The following FSTL5 variants were observed in gnomAD, a reference collection of about 807,000 sequenced individuals.
The protein encoded by FSTL5 is follistatin-related protein 5.
FSTL5 carries 62 observed loss-of-function variants against 89.1 expected under a neutral mutation model. That is an observed-to-expected ratio of 0.70 (90% CI 0.57 to 0.86). The LOEUF is 0.86. Among genes scored for constraint, FSTL5 ranks in the 40% least tolerant of loss-of-function variants. The pLI, the probability that FSTL5 is intolerant of heterozygous loss-of-function variation, is 0.00. For missense variants in FSTL5, 1,057 were observed against 1,001.6 expected (o/e 1.06, Z -0.75); for synonymous variants, 383 against 346.2 (o/e 1.11, Z -1.18).
At chr4:162,118,310 G>T (rs1422165552) in intron 1 of FSTL5, among the ~76,000 whole-genome samples, 1 of 151,960 alleles carries the variant, frequency 6.6e-6, no homozygotes, top group Middle Eastern at 3.2e-3. Context: ...GCCCAGGCTG[G>T]AGTGCAGTGG....
intron 4 of FSTL5, among the ~76,000 whole-genome samples, chr4:161,840,587 T>A (rs1284973674): frequency 6.6e-6 from 1 of 152,184 alleles, no homozygotes; most frequent in Non-Finnish European, 1.5e-5. Flanking sequence ...AAGTGAGAAC[T>A]GTTTGGGCAA....
At chr4:161,415,653 C>CATATATATAT (rs200742664) in intron 15 of FSTL5, among the ~76,000 whole-genome samples, 22 of 147,808 alleles carry the variant, frequency 1.5e-4, no homozygotes, top group African/African-American at 5.0e-4. Flanking sequence ...ATAGGGGATA[C>CATATATATAT]ATATATATAT....
intron 4 of FSTL5, among the ~76,000 whole-genome samples, chr4:161,851,053 C>G (rs545982154): frequency 2.6e-5 from 4 of 152,230 alleles, no homozygotes; most frequent in African/African-American, 9.6e-5. Flanking sequence ...AACAAAGATA[C>G]AAATTTTGAG....
rs1733934704 is a variant in FSTL5 at position 161,919,548 on chromosome 4, C to T, written c.409+856G>A. On this transcript the variant is annotated intron_variant, in intron 4 of 15. Coordinates refer to ENST00000306100, the MANE Select transcript of FSTL5 (RefSeq NM_020116.5). ...TTAAGCTAGGAGTAAAAATATTAAACAGGTTTTTAAGTGTAAATACGTTTC... is the reference window on the plus strand; with the variant it reads ...TTAAGCTAGGAGTAAAAATATTAAATAGGTTTTTAAGTGTAAATACGTTTC... Among the ~76,000 whole-genome samples the T allele has an allele frequency of 2.0e-5, 3 of 152,188 alleles. No individual in the cohort carries two copies. In the South Asian group the frequency reaches 6.2e-4, roughly 32 times the overall value.
intron 4 of FSTL5, among the ~76,000 whole-genome samples, chr4:161,905,364 C>G (rs938871149): frequency 1.3e-5 from 2 of 151,958 alleles, no homozygotes; most frequent in African/African-American, 4.8e-5. Flanking sequence ...CTGTGCTTAC[C>G]TAGAGATGTC....
At chr4:162,061,343 A>G (rs973448252) in intron 2 of FSTL5, among the ~76,000 whole-genome samples, 18 of 152,046 alleles carry the variant, frequency 1.2e-4, no homozygotes, top group Non-Finnish European at 2.1e-4. Context: ...TTGAGAAGCA[A>G]CTCTCTGAGA....
At position 161,792,878 on chromosome 4, in the gene FSTL5, A is replaced by C. The variant is rs1579096865; in HGVS notation, c.410-16804T>G. ...GAGGGACTTAAAAGAGCTGTAACAC[A>C]AACAGGGCTGAAACATCCCCTCCCC... On this transcript the variant is annotated intron_variant, in intron 4 of 15. Coordinates refer to ENST00000306100, the MANE Select transcript of FSTL5 (RefSeq NM_020116.5). 2.0e-5 allele frequency among the ~76,000 whole-genome samples: 3 copies of C among 152,202 alleles called. No individual in the cohort carries two copies. In the East Asian group the frequency reaches 5.8e-4, roughly 29 times the overall value.
chr4:161,856,368 TTAA>T (rs1444808126), intron 4 of FSTL5, among the ~76,000 whole-genome samples: 1 of 151,958 alleles, frequency 6.6e-6, no homozygotes, highest in Non-Finnish European at 1.5e-5. Flanking sequence ...AAGGGAAATA[TTAA>T]TGATTTAATT....
At chr4:161,430,387 A>G (rs1368839087) in intron 15 of FSTL5, among the ~76,000 whole-genome samples, 1 of 152,170 alleles carries the variant, frequency 6.6e-6, no homozygotes, top group Non-Finnish European at 1.5e-5. Flanking sequence ...ATTCAAGTCA[A>G]AAAGGTTATA....
At chr4:161,913,981 G>A (rs1024552603) in intron 4 of FSTL5, among the ~76,000 whole-genome samples, 24 of 152,178 alleles carry the variant, frequency 1.6e-4, no homozygotes, top group African/African-American at 5.3e-4. Context: ...TTAAAACTTC[G>A]GGGGACTGTT....
chr4:161,843,418 G>T (rs1731271100), intron 4 of FSTL5, among the ~76,000 whole-genome samples: 1 of 151,996 alleles, frequency 6.6e-6, no homozygotes, highest in Non-Finnish European at 1.5e-5. Flanking sequence ...TTTTCCATTT[G>T]TGTCCTCTTA....
At position 161,742,149 on chromosome 4, in the gene FSTL5, GA is replaced by G. The variant is rs147736235; in HGVS notation, c.727+17261del. 1.1e-3 allele frequency among the ~76,000 whole-genome samples: 172 copies of G among 152,260 alleles called. No individual in the cohort carries two copies. The East Asian group carries it at 0.028, about 25-fold the overall frequency. ...AAACAATGCAAATAAAACAACGGAG[GA>G]AATAAACTACTAGTTATTTGAGAGA... On this transcript the variant is annotated intron_variant, in intron 6 of 15. Transcript: ENST00000306100.
intron 6 of FSTL5, among the ~76,000 whole-genome samples, chr4:161,753,056 C>T (rs779384172): frequency 1.3e-5 from 2 of 152,124 alleles, no homozygotes; most frequent in Non-Finnish European, 2.9e-5. Context: ...TTATGATATC[C>T]ACTAAGACGG....
At chr4:161,963,804 T>A (rs1044323406) in intron 3 of FSTL5, among the ~76,000 whole-genome samples, 13 of 152,080 alleles carry the variant, frequency 8.5e-5, no homozygotes, top group African/African-American at 3.1e-4. Context: ...TAAGAAGGCA[T>A]CTTTCCTGCT....
intron 6 of FSTL5, among the ~76,000 whole-genome samples, chr4:161,736,947 C>T (rs1739840892): frequency 6.6e-6 from 1 of 151,916 alleles, no homozygotes; most frequent in Non-Finnish European, 1.5e-5. Context: ...TTGCAATGTC[C>T]ATATATACCC....
intron 8 of FSTL5, among the ~76,000 whole-genome samples, chr4:161,584,372 C>A (rs770062467): frequency 1.3e-5 from 2 of 152,128 alleles, no homozygotes; most frequent in Non-Finnish European, 2.9e-5. Flanking sequence ...AAGATCAGTC[C>A]GTCCTTCTGT....
At chr4:162,088,534 C>T (rs1197922088) in intron 2 of FSTL5, among the ~76,000 whole-genome samples, 1 of 151,988 alleles carries the variant, frequency 6.6e-6, no homozygotes, top group African/African-American at 2.4e-5. Flanking sequence ...TATTTTCATG[C>T]ATATTTGAGA....
chr4:161,781,691 A>G (rs2126810447), intron 4 of FSTL5, among the ~76,000 whole-genome samples: 1 of 152,244 alleles, frequency 6.6e-6, no homozygotes, highest in South Asian at 2.1e-4. Context: ...TCGACATCCC[A>G]CATCATAGTT....
chr4:161,616,572 G>T (rs1033436605), intron 7 of FSTL5, among the ~76,000 whole-genome samples: 2 of 152,066 alleles, frequency 1.3e-5, no homozygotes, highest in South Asian at 4.1e-4. Flanking sequence ...ACTTCACCTT[G>T]TGATTGTGTG....
Sources: gnomAD v4.1 joint callset for allele counts (sites outside exome capture counted in the v4.1 genomes callset) on GRCh38, gnomAD v4.1.1 for gene constraint, MANE v1.5 for transcripts, NCBI Gene and HGNC (gene_info 2026-07-23, HGNC 2026-07-21) for gene names.